Variants in PTPN20 observed in about 807,000 individuals in gnomAD.
The protein encoded by PTPN20 is tyrosine-protein phosphatase non-receptor type 20.
In PTPN20, 9 loss-of-function variants were observed where a neutral mutation model predicts 35.0. The observed-to-expected ratio is 0.26, with a 90% CI of 0.15 to 0.45. PTPN20 has a LOEUF of 0.45. Among genes scored for constraint, PTPN20 ranks in the 20% least tolerant of loss-of-function variants. The pLI, the probability that PTPN20 is intolerant of heterozygous loss-of-function variation, is 1.00. For synonymous variants in PTPN20, 32 were observed against 100.2 expected (o/e 0.32, Z 4.06); for missense variants, 111 against 312.5 (o/e 0.36, Z 4.86).
At chr10:46,955,411 A>AAGAAGAGACAAATCTCCCATGC (rs1303106380) in intron 5 of PTPN20, among the ~76,000 whole-genome samples, 1 of 151,716 alleles carries the variant, frequency 6.6e-6, no homozygotes, top group Non-Finnish European at 1.5e-5. Context: ...ATAAATGGGG[A>AAGAAGAGACAAATCTCCCATGC]AGAAGAGACA....
At chr10:46,953,335 TTTTCTTTC>T (rs201614690) in intron 5 of PTPN20, among the ~76,000 whole-genome samples, 6,327 of 113,408 alleles carry the variant, frequency 0.056, 232 homozygotes, top group African/African-American at 0.086. Flanking sequence ...CTTTCATTTC[TTTTCTTTC>T]TTTCTTTCTT....
At chr10:46,983,441 G>T (rs2056149017) in intron 7 of PTPN20, among the ~76,000 whole-genome samples, 1 of 151,684 alleles carries the variant, frequency 6.6e-6, no homozygotes, top group African/African-American at 2.4e-5. Flanking sequence ...GGCCTCCTTT[G>T]CTGTGTGTGT....
intron 7 of PTPN20, among the ~76,000 whole-genome samples, chr10:46,972,245 A>G (rs2052408355): frequency 6.6e-6 from 1 of 151,610 alleles, no homozygotes. Flanking sequence ...CAAGAAGAGG[A>G]CAAATAACCC....
intron 2 of PTPN20, among the ~76,000 whole-genome samples, chr10:46,936,574 C>G (rs1589338990): frequency 6.6e-6 from 1 of 151,336 alleles, no homozygotes; most frequent in Non-Finnish European, 1.5e-5. Context: ...ACTCCCCATT[C>G]TAGACGCCAT....
At chr10:47,000,076 T>C in intron 10 of PTPN20, 102 bp downstream of exon 10, 1 of 1,505,046 alleles carries the variant, frequency 6.6e-7, no homozygotes, top group Non-Finnish European at 9.2e-7. Flanking sequence ...CATAATCTCA[T>C]TGAATTCCTA....
intron 2 of PTPN20, among the ~76,000 whole-genome samples, chr10:46,936,276 C>T (rs2041624309): frequency 6.6e-6 from 1 of 151,858 alleles, no homozygotes; most frequent in South Asian, 2.1e-4. Flanking sequence ...AGTCCCTCTT[C>T]CTAATTATTT....
At chr10:47,002,995 A>G (rs950975979), downstream of PTPN20, among the ~76,000 whole-genome samples, 6 of 152,058 alleles carry the variant, frequency 3.9e-5, no homozygotes, top group African/African-American at 1.4e-4. Context: ...TTTTTTTCTA[A>G]TTCCTCGGAA....
chr10:46,976,874 AT>A (rs1311854765), intron 7 of PTPN20, among the ~76,000 whole-genome samples: 9 of 138,556 alleles, frequency 6.5e-5, no homozygotes, highest in Non-Finnish European at 1.4e-4. Context: ...TTTTATTCTT[AT>A]TTTTTTCTTT....
At chr10:46,937,911 TTTTTC>T (rs2042196523) in intron 2 of PTPN20, among the ~76,000 whole-genome samples, 1 of 146,880 alleles carries the variant, frequency 6.8e-6, no homozygotes, top group Non-Finnish European at 1.5e-5. Context: ...GGATTTTTTC[TTTTTC>T]TTTTCTTTTT....
At chr10:46,993,638 T>C (rs2058444853) in intron 9 of PTPN20, among the ~76,000 whole-genome samples, 1 of 152,176 alleles carries the variant, frequency 6.6e-6, no homozygotes. Context: ...AAGTAAAGAA[T>C]AGAAACAAAG....
chr10:46,993,439 T>G (rs1281180462), intron 9 of PTPN20, among the ~76,000 whole-genome samples: 2 of 152,196 alleles, frequency 1.3e-5, no homozygotes, highest in Non-Finnish European at 2.9e-5. Flanking sequence ...AGATGGTTTG[T>G]TGATGCAGTA....
At chr10:46,939,898 A>G (rs2042909304) in intron 2 of PTPN20, among the ~76,000 whole-genome samples, 1 of 152,072 alleles carries the variant, frequency 6.6e-6, no homozygotes, top group African/African-American at 2.4e-5. Flanking sequence ...TCATTTCCAT[A>G]GTACTTGTTT....
rs1234382964 is a variant in PTPN20 at position 46,982,969 on chromosome 10, T to A, written c.584-1261T>A. On this transcript the variant is annotated intron_variant, in intron 7 of 10. Transcript: ENST00000374339. ...TATTTAATATACAAATAGGAGTTTT[T>A]AAGGTGTTATCATCTTTTATAGAAA... 9.9e-5 allele frequency among the ~76,000 whole-genome samples: 15 copies of A among 152,056 alleles called. 1 individual carries two copies. Among genetic ancestry groups the A allele is most frequent in the African/African-American group, 3.6e-4 (15 of 41,426 alleles).
At chr10:46,997,435 C>T (rs2059323857) in intron 9 of PTPN20, among the ~76,000 whole-genome samples, 2 of 150,742 alleles carry the variant, frequency 1.3e-5, no homozygotes, top group Non-Finnish European at 3.0e-5. Flanking sequence ...AGATTTGTCT[C>T]TTCCTTTTTG....
chr10:46,953,334 CTTTTCTTTCTTT>C (rs2047290037), intron 5 of PTPN20, among the ~76,000 whole-genome samples: 2 of 118,868 alleles, frequency 1.7e-5, no homozygotes, highest in Admixed American at 8.3e-5. Context: ...CCTTTCATTT[CTTTTCTTTCTTT>C]CTTTCTTTCT....
Position 46,922,947 on chromosome 10 carries a change from A to G in PTPN20, c.-123-9430A>G, listed in dbSNP as rs1414140009. 5.7e-4 allele frequency among the ~76,000 whole-genome samples: 71 copies of G among 124,982 alleles called. 1 individual carries two copies. Among genetic ancestry groups the G allele is most frequent in the Non-Finnish European group, 9.1e-4 (57 of 62,352 alleles). The allele number at this position is 124,982 out of a possible 152,430, so 82.0% of individuals were successfully genotyped here. On this transcript the variant is annotated intron_variant, in intron 1 of 10. Coordinates refer to ENST00000374339, the MANE Select transcript of PTPN20 (RefSeq NM_001042357.5). ...CTGGACCATACCCAGGATCTCACAC[A>G]TACTTGATTTAGGTGATTTAGGAGA...
At chr10:46,999,859 T>C in intron 9 of PTPN20, 53 bp from the exon 10 acceptor site, 1 of 1,599,584 alleles carries the variant, frequency 6.3e-7, no homozygotes, top group African/African-American at 1.3e-5. Flanking sequence ...AATCTGTGAA[T>C]TTGTGTTTTT....
intron 2 of PTPN20, among the ~76,000 whole-genome samples, chr10:46,935,576 TC>T (rs2041316788): frequency 7.1e-6 from 1 of 141,784 alleles, no homozygotes; most frequent in Non-Finnish European, 1.5e-5. Flanking sequence ...AGGTAATTCA[TC>T]CGCCTTGGCC....
intron 5 of PTPN20, among the ~76,000 whole-genome samples, chr10:46,959,587 A>T: frequency 7.3e-6 from 1 of 136,588 alleles, no homozygotes. Flanking sequence ...TTTTTGCCTT[A>T]CTGTCTCCTT....
Sources: allele counts gnomAD v4.1 joint callset (sites outside exome capture counted in the v4.1 genomes callset), GRCh38; gene constraint gnomAD v4.1.1; transcripts MANE v1.5; gene names NCBI Gene and HGNC (gene_info 2026-07-23, HGNC 2026-07-21).